DLAT: variants seen among roughly 807,000 people sequenced by gnomAD.
The protein encoded by DLAT is dihydrolipoamide S-acetyltransferase, also known as dihydrolipoyllysine-residue acetyltransferase component of pyruvate dehydrogenase complex, mitochondrial.
DLAT carries 43 observed loss-of-function variants against 68.0 expected under a neutral mutation model. The ratio of observed to expected loss-of-function variants is 0.63; its 90% CI spans 0.50 to 0.81. DLAT has a LOEUF of 0.81. Among genes scored for constraint, DLAT ranks in the 40% least tolerant of loss-of-function variants. DLAT has a pLI of 0.00. For synonymous variants in DLAT, 265 were observed against 288.6 expected (o/e 0.92, Z 0.83); for missense variants, 745 against 815.4 (o/e 0.91, Z 1.05).
chr11:112,041,909 A>T (rs1863072002), intron 7 of DLAT, among the ~76,000 whole-genome samples: 1 of 152,106 alleles, frequency 6.6e-6, no homozygotes, highest in Non-Finnish European at 1.5e-5. Flanking sequence ...GCCAGTGTTA[A>T]TGAAGCATAA....
intron 11 of DLAT, among the ~76,000 whole-genome samples, chr11:112,053,257 G>C (rs1332629731): frequency 6.6e-6 from 1 of 152,082 alleles, no homozygotes; most frequent in Non-Finnish European, 1.5e-5. Flanking sequence ...AGGAGGTGGA[G>C]GTTGCAGTGA....
chr11:112,026,168 A>C, intron 1 of DLAT, 30 bp from the exon 2 acceptor site: 1 of 1,545,664 alleles, frequency 6.5e-7, no homozygotes, highest in Non-Finnish European at 8.9e-7. Context: ...GTCCTTAAAA[A>C]TTTTAATGTT....
At chr11:112,040,279 T>C (rs1215662318) in intron 7 of DLAT, among the ~76,000 whole-genome samples, 1 of 152,224 alleles carries the variant, frequency 6.6e-6, no homozygotes, top group Non-Finnish European at 1.5e-5. Context: ...TTGTACTATG[T>C]GTCAGTCATT....
At chr11:112,028,214 A>G (rs759699591) in intron 2 of DLAT, among the ~76,000 whole-genome samples, 3 of 152,048 alleles carry the variant, frequency 2.0e-5, no homozygotes, top group Non-Finnish European at 4.4e-5. Context: ...AATTCTAGAC[A>G]CAAAGGCCAG....
intron 5 of DLAT, 25 bp from the exon 6 acceptor site, chr11:112,037,248 A>T: frequency 6.2e-7 from 1 of 1,606,522 alleles, no homozygotes; most frequent in Non-Finnish European, 8.5e-7. Context: ...CTTAAGTCCC[A>T]TAATGTTTTT....
intron 11 of DLAT, 55 bp from the exon 12 acceptor site, chr11:112,059,848 C>T (rs1555182988): frequency 4.2e-6 from 6 of 1,423,594 alleles, no homozygotes; most frequent in South Asian, 1.3e-5. Flanking sequence ...CTTAACCTGG[C>T]ACACAGGCTC....
chr11:112,061,380 C>T (rs1864612774), intron 13 of DLAT: 1 of 578,672 alleles, frequency 1.7e-6, no homozygotes. Context: ...TATAATAATA[C>T]AATACCTAAA....
rs150994149 is a variant in DLAT at position 112,025,649 on chromosome 11, C to T, written c.177C>T (p.Cys59=). 1.5e-5 allele frequency: 25 copies of T among 1,613,074 alleles called. No individual in the cohort carries two copies. The African/African-American group carries it at 2.5e-4, about 16-fold the overall frequency. ...TTGYGGVRAL[C]GWTPSSGATP... ...GGTATGGCGGGGTCCGGGCACTGTG[C>T]GGCTGGACCCCCAGTTCTGGGGCCA... The change falls in exon 1 of 14, where the codon TGC becomes TGT. Residue 59 remains cysteine (C), a synonymous_variant. Transcript: ENST00000280346.
chr11:112,042,891 G>A (rs1863117165), intron 7 of DLAT, among the ~76,000 whole-genome samples: 1 of 152,122 alleles, frequency 6.6e-6, no homozygotes, highest in Non-Finnish European at 1.5e-5. Flanking sequence ...CTAAAGATAA[G>A]ATAATTGCAG....
At chr11:112,059,370 T>C (rs1170027473) in intron 11 of DLAT, among the ~76,000 whole-genome samples, 2 of 151,670 alleles carry the variant, frequency 1.3e-5, no homozygotes, top group Non-Finnish European at 2.9e-5. Flanking sequence ...TTTTTTTTTT[T>C]TCTTGGCAGG....
chr11:112,033,948 C>T (rs1862556037), intron 5 of DLAT, among the ~76,000 whole-genome samples: 1 of 152,074 alleles, frequency 6.6e-6, no homozygotes, highest in African/African-American at 2.4e-5. Flanking sequence ...TGGTTTTGAA[C>T]TCCTGGCTCA....
chr11:112,031,522 T>G (rs1234784575), intron 4 of DLAT, among the ~76,000 whole-genome samples: 1 of 151,802 alleles, frequency 6.6e-6, no homozygotes, highest in East Asian at 1.9e-4. Context: ...GTTCAAGCGA[T>G]TCTCCTGCCT....
intron 6 of DLAT, among the ~76,000 whole-genome samples, chr11:112,038,240 C>T (rs1270822432): frequency 6.6e-6 from 1 of 151,852 alleles, no homozygotes; most frequent in African/African-American, 2.4e-5. Flanking sequence ...GCTCCGTCAC[C>T]CAGGCTGGCG....
intron 8 of DLAT, 101 bp from the exon 9 acceptor site, chr11:112,045,037 A>T: frequency 1.3e-6 from 1 of 753,194 alleles, no homozygotes; most frequent in Non-Finnish European, 2.1e-6. Context: ...TCTGTCTCAA[A>T]AGACAAAAAA....
In DLAT at chr11:112,038,241, C is replaced by G. The variant is rs371450311; in HGVS notation, c.975+781C>G. The stretch of plus-strand genomic sequence containing the variant: ...TGAGACGGAGTCTTGCTCCGTCACC[C>G]AGGCTGGCGTGCAGTGGCGTGATCT... On this transcript the variant is annotated intron_variant, in intron 6 of 13. Transcript: ENST00000280346. Among the ~76,000 whole-genome samples the G allele has an allele frequency of 5.7e-4, 86 of 152,066 alleles. 2 individuals carry two copies. In the East Asian group the frequency reaches 0.01, roughly 18 times the overall value.
At chr11:112,054,603 CTT>C (rs1863890046) in intron 11 of DLAT, among the ~76,000 whole-genome samples, 1 of 152,196 alleles carries the variant, frequency 6.6e-6, no homozygotes, top group Non-Finnish European at 1.5e-5. Context: ...TGGGTAAACT[CTT>C]TGTTCTAACT....
intron 4 of DLAT, 35 bp downstream of exon 4, chr11:112,028,980 A>T (rs1555179717): frequency 6.2e-7 from 1 of 1,612,966 alleles, no homozygotes; most frequent in Non-Finnish European, 8.5e-7. Flanking sequence ...GCTCTAGGTG[A>T]TTACTTACTT....
Position 112,062,433 on chromosome 11 carries a change from T to TA in DLAT, c.1843dup (p.Thr615AsnfsTer5). On this transcript the variant is annotated frameshift_variant, in exon 14 of 14. Transcript: ENST00000280346. LOFTEE classifies it high-confidence loss of function. ...TTGATGTGGCTAGCATGATGTCTGT[T>TA]ACACTCAGTTGTGATCACCGGGTGG... The TA allele has an allele frequency of 6.2e-7, 1 of 1,612,698 alleles. No homozygotes were observed. The highest frequency in any genetic ancestry group is 8.5e-7 in the Non-Finnish European group (1 of 1,180,012).
At position 112,045,895 on chromosome 11, in the gene DLAT, A is replaced by C. The variant is rs1863290467; in HGVS notation, c.1323A>C (p.Gln441His). The C allele has an allele frequency of 6.2e-7, 1 of 1,612,190 alleles. No individual in the cohort carries two copies. The highest frequency in any genetic ancestry group is 1.3e-5 in the African/African-American group (1 of 74,906). ...CACAGCGATTAATGCAATCAAAGCA[A>C]ACCATACCTCATTATTACCTTTCTA... is the stretch of plus-strand genomic sequence containing the variant. Reference protein sequence around the residue: ...VIAQRLMQSKQTIPHYYLSID... With the variant: ...VIAQRLMQSKHTIPHYYLSID... Residue 441 changes from glutamine to histidine, a missense_variant, in exon 10 of 14, where the codon CAA (glutamine) becomes CAC (histidine). Gln to His is a conservative substitution (Grantham distance 24). Coordinates refer to ENST00000280346, the MANE Select transcript of DLAT (RefSeq NM_001931.5).
Sources: allele counts gnomAD v4.1 joint callset (sites outside exome capture counted in the v4.1 genomes callset), GRCh38; gene constraint gnomAD v4.1.1; transcripts MANE v1.5; gene names NCBI Gene and HGNC (gene_info 2026-07-23, HGNC 2026-07-21).